Variants in ANXA4 observed in about 807,000 individuals in gnomAD.
The protein encoded by ANXA4 is annexin A4.
A neutral mutation model predicts 49.8 loss-of-function variants in ANXA4; 39 were observed. The observed-to-expected ratio is 0.78, with a 90% CI of 0.61 to 1.02. The LOEUF (loss-of-function observed/expected upper bound fraction) is 1.02, where lower values mean the gene tolerates loss of function less well. Among genes scored for constraint, ANXA4 ranks in the 50% least tolerant of loss-of-function variants. ANXA4 has a pLI of 0.00. For synonymous variants in ANXA4, 134 were observed against 152.5 expected, an observed-to-expected ratio of 0.88 and a Z score of 0.89; for missense variants, 360 against 410.1, an observed-to-expected ratio of 0.88 and a Z score of 1.05.
chr2:69,823,929 CT>C (rs1674351593), intron 12 of ANXA4, among the ~76,000 whole-genome samples: 1 of 152,016 alleles, frequency 6.6e-6, no homozygotes, highest in South Asian at 2.1e-4. Flanking sequence ...AAAAATTAAT[CT>C]AGGCCAGGTG....
chr2:69,805,684 T>G (rs1189419022), intron 4 of ANXA4, among the ~76,000 whole-genome samples: 1 of 152,144 alleles, frequency 6.6e-6, no homozygotes, highest in Non-Finnish European at 1.5e-5. Flanking sequence ...CAGTGAATAT[T>G]GACTTGGAAG....
chr2:69,755,918 T>C (rs942705739), intron 1 of ANXA4, among the ~76,000 whole-genome samples: 1 of 152,254 alleles, frequency 6.6e-6, no homozygotes, highest in Non-Finnish European at 1.5e-5. Context: ...TTTTCCTACC[T>C]TTTACCATTA....
intron 2 of ANXA4, among the ~76,000 whole-genome samples, chr2:69,784,694 C>T (rs1335461828): frequency 6.6e-6 from 1 of 152,204 alleles, no homozygotes; most frequent in Non-Finnish European, 1.5e-5. Flanking sequence ...GTTCTGGAGG[C>T]CAGAAATCCA....
At chr2:69,719,867 C>T (rs1460174019) in intron 2 of ANXA4, among the ~76,000 whole-genome samples, 3 of 152,144 alleles carry the variant, frequency 2.0e-5, no homozygotes, top group African/African-American at 7.2e-5. Flanking sequence ...CTTAAGTGAT[C>T]GTCCCACCTT....
intron 2 of ANXA4, among the ~76,000 whole-genome samples, chr2:69,681,391 G>T (rs1385857408): frequency 6.7e-5 from 10 of 148,806 alleles, no homozygotes; most frequent in African/African-American, 1.0e-4. Flanking sequence ...TTGAAACAAG[G>T]TCTCACTCTG....
At chr2:69,745,498 A>G (rs1161709887) in intron 1 of ANXA4, among the ~76,000 whole-genome samples, 1 of 152,172 alleles carries the variant, frequency 6.6e-6, no homozygotes, top group African/African-American at 2.4e-5. Context: ...ATTGTGATTC[A>G]GGCCTCACTT....
intron 2 of ANXA4, among the ~76,000 whole-genome samples, chr2:69,683,710 G>A (rs1056466520): frequency 4.6e-5 from 7 of 152,118 alleles, no homozygotes; most frequent in Non-Finnish European, 8.8e-5. Flanking sequence ...ACAGCCAAGA[G>A]CCCTTAGAAA....
At chr2:69,676,467 A>T (rs1187716773) in intron 2 of ANXA4, among the ~76,000 whole-genome samples, 1 of 152,262 alleles carries the variant, frequency 6.6e-6, no homozygotes, top group African/African-American at 2.4e-5. Flanking sequence ...TTGAATTTTT[A>T]AATGTTATAT....
chr2:69,733,615 A>AG (rs1470444337), intron 3 of ANXA4, among the ~76,000 whole-genome samples: 73 of 146,122 alleles, frequency 5.0e-4, no homozygotes, highest in African/African-American at 1.7e-3. Context: ...CTGTCTTAGA[A>AG]AAAAAAAAAA....
At chr2:69,653,588 CT>C (rs1428070416) in intron 2 of ANXA4, among the ~76,000 whole-genome samples, 2 of 152,158 alleles carry the variant, frequency 1.3e-5, no homozygotes, top group Non-Finnish European at 2.9e-5. Context: ...GCAATTACCC[CT>C]GGGCCCCTTG....
At chr2:69,759,080 G>A (rs574805271) in intron 1 of ANXA4, among the ~76,000 whole-genome samples, 2 of 147,296 alleles carry the variant, frequency 1.4e-5, no homozygotes, top group Admixed American at 1.4e-4. Flanking sequence ...AGGTTTCAGT[G>A]AGCCAAGATA....
chr2:69,803,832 CAT>C (rs760417730), intron 3 of ANXA4, among the ~76,000 whole-genome samples: 4 of 151,952 alleles, frequency 2.6e-5, no homozygotes, highest in Non-Finnish European at 4.4e-5. Context: ...ATTCAAAAGA[CAT>C]GAAAAGAATT....
intron 2 of ANXA4, among the ~76,000 whole-genome samples, chr2:69,665,515 C>T (rs1676901785): frequency 6.6e-6 from 1 of 152,102 alleles, no homozygotes; most frequent in South Asian, 2.1e-4. Context: ...AGTGAGACTC[C>T]ACCCCAGAAT....
intron 2 of ANXA4, among the ~76,000 whole-genome samples, chr2:69,700,572 A>G (rs1678299064): frequency 6.6e-6 from 1 of 152,102 alleles, no homozygotes; most frequent in African/African-American, 2.4e-5. Context: ...CACAACACAC[A>G]CTTTTAGAAA....
intron 1 of ANXA4, among the ~76,000 whole-genome samples, chr2:69,749,415 G>T (rs151022903): frequency 0.01 from 1,584 of 152,166 alleles, 25 homozygotes; most frequent in African/African-American, 0.034. Flanking sequence ...CAGTTTCTGA[G>T]CCCCAGCAGA....
At chr2:69,758,286 T>C (rs1416170779) in intron 1 of ANXA4, among the ~76,000 whole-genome samples, 1 of 152,198 alleles carries the variant, frequency 6.6e-6, no homozygotes, top group Non-Finnish European at 1.5e-5. Flanking sequence ...GCGCTGCGAC[T>C]ACAGGCGTGA....
chr2:69,650,479 C>T (rs1676191375), intron 1 of ANXA4, among the ~76,000 whole-genome samples: 1 of 148,730 alleles, frequency 6.7e-6, no homozygotes, highest in Non-Finnish European at 1.5e-5. Context: ...TTTTTGTATC[C>T]TTTTTTTTTT....
In ANXA4 at chr2:69,763,268, C is replaced by T. The variant is rs182211553; in HGVS notation, c.-46-18252C>T. Among the ~76,000 whole-genome samples, 386 of 152,182 alleles carry T rather than the reference C, an allele frequency of 2.5e-3. 2 individuals carry two copies. The highest frequency in any genetic ancestry group is 6.7e-3 in the Admixed American group (103 of 15,282). ...GAGCTGGAACTTGATGACTTCGGGG[C>T]GCGGGAGGCCCCAGAACAAAGTGAG... On this transcript the variant is annotated intron_variant, in intron 1 of 12. Coordinates refer to ENST00000394295, the MANE Select transcript of ANXA4 (RefSeq NM_001153.5).
chr2:69,668,156 G>A (rs1335681326), intron 2 of ANXA4, among the ~76,000 whole-genome samples: 3 of 152,114 alleles, frequency 2.0e-5, no homozygotes, highest in Admixed American at 6.5e-5. Context: ...TGCATGGACC[G>A]GTTTATAAGT....
Sources: allele counts gnomAD v4.1 joint callset (sites outside exome capture counted in the v4.1 genomes callset), GRCh38; gene constraint gnomAD v4.1.1; transcripts MANE v1.5; gene names NCBI Gene and HGNC (gene_info 2026-07-23, HGNC 2026-07-21).